Variants in DDX6 observed in about 807,000 individuals in gnomAD.
DDX6 encodes the protein DEAD-box helicase 6, also known as probable ATP-dependent RNA helicase DDX6.
DDX6 carries 7 observed loss-of-function variants against 60.6 expected under a neutral mutation model. The observed-to-expected ratio is 0.12, with a 90% confidence interval of 0.07 to 0.22. The LOEUF is 0.22. Among genes scored for constraint, DDX6 ranks in the 10% least tolerant of loss-of-function variants. The pLI is 1.00. For missense variants in DDX6, 270 were observed against 589.9 expected, an observed-to-expected ratio of 0.46 and a Z score of 5.62; for synonymous variants, 207 against 201.0, an observed-to-expected ratio of 1.03 and a Z score of -0.25.
At chr11:118,769,092 G>C (rs1169297356) in intron 4 of DDX6, among the ~76,000 whole-genome samples, 1 of 150,662 alleles carries the variant, frequency 6.6e-6, no homozygotes, top group African/African-American at 2.4e-5. Flanking sequence ...AGGAGTTTGA[G>C]AACAGCTTAG....
At chr11:118,762,284 A>AAAT (rs1555160395) in intron 7 of DDX6, among the ~76,000 whole-genome samples, 10 of 149,498 alleles carry the variant, frequency 6.7e-5, no homozygotes, top group South Asian at 4.2e-4. Flanking sequence ...AAAAAAAAAA[A>AAAT]AATAATAATA....
At chr11:118,773,565 C>CT (rs1861605055) in intron 4 of DDX6, among the ~76,000 whole-genome samples, 1 of 151,986 alleles carries the variant, frequency 6.6e-6, no homozygotes, top group Non-Finnish European at 1.5e-5. Context: ...GAGCGAGACT[C>CT]TGTCTCAAAA....
intron 4 of DDX6, 41 bp downstream of exon 4, chr11:118,779,591 G>A: frequency 2.3e-6 from 3 of 1,321,546 alleles, no homozygotes; most frequent in Non-Finnish European, 2.1e-6. Flanking sequence ...TTTAATGGTT[G>A]ACACATAACC....
chr11:118,760,428 G>A (rs1307401157), intron 7 of DDX6, among the ~76,000 whole-genome samples: 1 of 152,172 alleles, frequency 6.6e-6, no homozygotes, highest in African/African-American at 2.4e-5. Context: ...TGAGCCTACT[G>A]AGTAGCTAGG....
chr11:118,757,849 C>T (rs1013272400), intron 9 of DDX6, among the ~76,000 whole-genome samples: 3 of 152,104 alleles, frequency 2.0e-5, no homozygotes, highest in Admixed American at 2.0e-4. Context: ...CTTCGGCTTC[C>T]CAAAGTGCTG....
intron 1 of DDX6, chr11:118,786,782 T>C (rs1367790449): frequency 6.5e-6 from 1 of 153,434 alleles, no homozygotes; most frequent in Non-Finnish European, 1.5e-5. Context: ...AAATTAGCAC[T>C]ACTCGTCAAT....
chr11:118,774,744 CA>C (rs1216970551), intron 4 of DDX6, among the ~76,000 whole-genome samples: 1 of 152,050 alleles, frequency 6.6e-6, no homozygotes, highest in Non-Finnish European at 1.5e-5. Flanking sequence ...ATCTCACAGC[CA>C]AACTGCAACT....
chr11:118,754,915 A>G, intron 12 of DDX6, 28 bp from the exon 13 acceptor site: 6 of 1,561,452 alleles, frequency 3.8e-6, no homozygotes, highest in Non-Finnish European at 5.2e-6. Flanking sequence ...AAAAATTTTA[A>G]TGAATAAAAT....
chr11:118,758,708 T>G (rs1307769519), intron 9 of DDX6, 66 bp downstream of exon 9: 2 of 1,575,918 alleles, frequency 1.3e-6, no homozygotes, highest in East Asian at 4.5e-5. Context: ...GTGGGAAAAT[T>G]GATGAAATCA....
At chr11:118,776,635 C>A (rs1042032742) in intron 4 of DDX6, among the ~76,000 whole-genome samples, 1 of 152,028 alleles carries the variant, frequency 6.6e-6, no homozygotes, top group East Asian at 1.9e-4. Context: ...GAGATCGAGA[C>A]CATCCTGGCT....
intron 4 of DDX6, among the ~76,000 whole-genome samples, chr11:118,769,987 C>T (rs567771613): frequency 6.6e-6 from 1 of 151,918 alleles, no homozygotes; most frequent in Non-Finnish European, 1.5e-5. Flanking sequence ...GGATTACAGG[C>T]GTGAGCCAGC....
rs782058789 is a variant in DDX6 at position 118,749,246 on chromosome 11, A to G, written c.*2859T>C. 1 of 151,426 alleles carries G rather than the reference A, an allele frequency of 6.6e-6. No homozygotes were observed. The highest frequency in any genetic ancestry group is 1.5e-5 in the Non-Finnish European group (1 of 67,854). The allele number at this position is 151,426 out of a possible 1,614,324, so 9.4% of individuals were successfully genotyped here. ...ATAGAGGGTAGTTCTCATCCAAATGAGCCACTGGAAAATATTATCATTACT... is the reference window on the plus strand; with the variant it reads ...ATAGAGGGTAGTTCTCATCCAAATGGGCCACTGGAAAATATTATCATTACT... On this transcript the variant is annotated 3_prime_UTR_variant, in exon 14 of 14. Transcript: ENST00000534980.
At chr11:118,755,301 T>A in intron 12 of DDX6, 101 bp downstream of exon 12, 1 of 687,274 alleles carries the variant, frequency 1.5e-6, no homozygotes, top group Non-Finnish European at 2.6e-6. Flanking sequence ...AATTCACTGT[T>A]CTCATAGCTA....
At chr11:118,764,089 C>T (rs1413007089) in intron 6 of DDX6, among the ~76,000 whole-genome samples, 1 of 152,074 alleles carries the variant, frequency 6.6e-6, no homozygotes, top group East Asian at 1.9e-4. Context: ...CACCAGACTT[C>T]TGACATAAGA....
intron 2 of DDX6, among the ~76,000 whole-genome samples, chr11:118,782,505 A>G (rs559556832): frequency 2.1e-4 from 32 of 152,258 alleles, no homozygotes; most frequent in African/African-American, 7.7e-4. Context: ...TTACATAACC[A>G]GAGTCCCCAA....
intron 6 of DDX6, among the ~76,000 whole-genome samples, chr11:118,763,789 A>G (rs1262451680): frequency 2.7e-5 from 4 of 149,228 alleles, no homozygotes; most frequent in Non-Finnish European, 5.9e-5. Flanking sequence ...AGCCGAGATC[A>G]CACCACTGCA....
rs576035613 is a variant in DDX6 at position 118,763,192 on chromosome 11, G to A, written c.741+20C>T. 2 of 1,544,080 alleles carry A rather than the reference G, an allele frequency of 1.3e-6. No individual in the cohort carries two copies. The highest frequency in any genetic ancestry group is 1.8e-6 in the Non-Finnish European group (2 of 1,136,694). On this transcript the variant is annotated intron_variant, in intron 7 of 13. Transcript: ENST00000534980. Reference sequence around the variant, plus strand: ...ACAGAAAAGTACAGAACAGTATAATGCCAAATGAAGAGACATTACCTCATC... The same window carrying A: ...ACAGAAAAGTACAGAACAGTATAATACCAAATGAAGAGACATTACCTCATC...
chr11:118,771,691 C>T (rs1555162600), intron 4 of DDX6, among the ~76,000 whole-genome samples: 2 of 152,226 alleles, frequency 1.3e-5, no homozygotes, highest in African/African-American at 4.8e-5. Flanking sequence ...AAGTTAGGTA[C>T]TTTGTTTTAC....
chr11:118,780,461 C>A (rs1555164460), intron 3 of DDX6, among the ~76,000 whole-genome samples: 1 of 152,068 alleles, frequency 6.6e-6, no homozygotes, highest in Non-Finnish European at 1.5e-5. Flanking sequence ...GGATTACAGG[C>A]GCACGCCACC....
Sources: allele counts gnomAD v4.1 joint callset (sites outside exome capture counted in the v4.1 genomes callset), GRCh38; gene constraint gnomAD v4.1.1; transcripts MANE v1.5; gene names NCBI Gene and HGNC (gene_info 2026-07-23, HGNC 2026-07-21).